Variants in BAALC observed in about 807,000 individuals in gnomAD.
BAALC encodes the protein brain and acute leukemia cytoplasmic protein.
In BAALC, 9 loss-of-function variants were observed where a neutral mutation model predicts 15.5. The ratio of observed to expected loss-of-function variants is 0.58; its 90% confidence interval spans 0.35 to 1.02. The LOEUF is 1.02. BAALC is among the 50% of genes least tolerant of loss of function. The pLI, the probability that BAALC is intolerant of heterozygous loss-of-function variation, is 0.02. For missense variants in BAALC, 201 were observed against 192.4 expected (o/e 1.04, Z -0.27); for synonymous variants, 80 against 74.6 (o/e 1.07, Z -0.37).
chr8:103,158,725 G>A (rs13264626), intron 1 of BAALC, among the ~76,000 whole-genome samples: 67,192 of 151,788 alleles, frequency 0.44, 14,899 homozygotes, highest in Middle Eastern at 0.56. Flanking sequence ...CATCCCAGGC[G>A]AGACAAAGCA....
At chr8:103,160,970 G>A (rs1172693911) in intron 1 of BAALC, among the ~76,000 whole-genome samples, 2 of 152,098 alleles carry the variant, frequency 1.3e-5, no homozygotes, top group Non-Finnish European at 2.9e-5. Context: ...GACACACCCA[G>A]GATCAATACT....
At chr8:103,141,870 GATTTT>G (rs1345219714) in intron 1 of BAALC, among the ~76,000 whole-genome samples, 3 of 152,194 alleles carry the variant, frequency 2.0e-5, no homozygotes, top group Non-Finnish European at 2.9e-5. Flanking sequence ...CATAAGTCAG[GATTTT>G]ATTTTATTTT....
chr8:103,152,617 G>C (rs1199864028), intron 1 of BAALC, among the ~76,000 whole-genome samples: 1 of 152,256 alleles, frequency 6.6e-6, no homozygotes, highest in Admixed American at 6.5e-5. Context: ...GCCCAGCACA[G>C]AGTAGGCACT....
intron 1 of BAALC, among the ~76,000 whole-genome samples, chr8:103,184,667 G>A (rs114177841): frequency 6.6e-6 from 1 of 152,164 alleles, no homozygotes; most frequent in Admixed American, 6.5e-5. Context: ...ATGTGCATGA[G>A]CACATGTGAG....
intron 1 of BAALC, among the ~76,000 whole-genome samples, chr8:103,198,625 C>T (rs1020075695): frequency 7.6e-4 from 116 of 152,166 alleles, no homozygotes; most frequent in African/African-American, 2.7e-3. Flanking sequence ...AAAAGCTGGC[C>T]AGGCTCCATG....
intron 1 of BAALC, among the ~76,000 whole-genome samples, chr8:103,144,660 C>A (rs1289297239): frequency 6.6e-6 from 1 of 152,144 alleles, no homozygotes; most frequent in Non-Finnish European, 1.5e-5. Flanking sequence ...CTTAAGCACA[C>A]TTTTTTTCTA....
At chr8:103,178,526 C>T (rs2088036) in intron 1 of BAALC, among the ~76,000 whole-genome samples, 4 of 152,066 alleles carry the variant, frequency 2.6e-5, no homozygotes, top group Middle Eastern at 3.2e-3. Context: ...TCACTCTGTA[C>T]GATTTCTTAC....
At chr8:103,192,220 T>C (rs1302806924) in intron 1 of BAALC, among the ~76,000 whole-genome samples, 11 of 152,150 alleles carry the variant, frequency 7.2e-5, no homozygotes. Context: ...CCTGGCTAAT[T>C]TTGGTACTTT....
intron 1 of BAALC, among the ~76,000 whole-genome samples, chr8:103,167,307 T>C (rs1306338164): frequency 6.6e-6 from 1 of 152,210 alleles, no homozygotes; most frequent in Non-Finnish European, 1.5e-5. Flanking sequence ...AGGCTAGATC[T>C]AGGAGGAGTC....
chr8:103,164,978 C>T (rs1494282), intron 1 of BAALC, among the ~76,000 whole-genome samples: 13,932 of 152,236 alleles, frequency 0.092, 859 homozygotes, highest in Non-Finnish European at 0.14. Context: ...CAAGTAGGAA[C>T]ACACTAACTT....
At chr8:103,178,210 T>A (rs929037274) in intron 1 of BAALC, among the ~76,000 whole-genome samples, 7 of 152,222 alleles carry the variant, frequency 4.6e-5, no homozygotes, top group African/African-American at 1.7e-4. Flanking sequence ...TTGATGAGGG[T>A]CACAGCTGGA....
chr8:103,198,602 GT>G (rs1366217405), intron 1 of BAALC, among the ~76,000 whole-genome samples: 14 of 152,034 alleles, frequency 9.2e-5, no homozygotes, highest in African/African-American at 2.9e-4. Context: ...ATATAATATA[GT>G]TTTTTAAACA....
intron 1 of BAALC, among the ~76,000 whole-genome samples, chr8:103,171,782 T>C (rs1162332939): frequency 5.9e-5 from 9 of 152,206 alleles, no homozygotes; most frequent in Non-Finnish European, 1.3e-4. Flanking sequence ...TTACCTCTCG[T>C]GTCAGAGTGA....
At chr8:103,162,415 C>G (rs1811246648) in intron 1 of BAALC, among the ~76,000 whole-genome samples, 1 of 152,166 alleles carries the variant, frequency 6.6e-6, no homozygotes, top group African/African-American at 2.4e-5. Flanking sequence ...GTTTTGCTGT[C>G]AGATGGAACA....
At chr8:103,162,771 A>T (rs1376489542) in intron 1 of BAALC, among the ~76,000 whole-genome samples, 3 of 152,048 alleles carry the variant, frequency 2.0e-5, no homozygotes, top group African/African-American at 7.2e-5. Flanking sequence ...AATAACTATA[A>T]AGGACCTGAG....
At position 103,140,791 on chromosome 8, in the gene BAALC, A is replaced by T. The variant is rs1810748531; in HGVS notation, c.-107A>T. The T allele has an allele frequency of 1.9e-6, 2 of 1,058,060 alleles. No individual in the cohort carries two copies. Among genetic ancestry groups the T allele is most frequent in the Non-Finnish European group, 2.4e-6 (2 of 834,978 alleles). The allele number at this position is 1,058,060 out of a possible 1,614,324, so 65.5% of individuals were successfully genotyped here. ...CAGCGCGGGCGGGAGCGGGGACGCG[A>T]TGTCGCCGCCGCCGCCTCCTTGCGG... On this transcript the variant is annotated 5_prime_UTR_variant, in exon 1 of 3. It removes an upstream start codon present in the reference 5' UTR. Coordinates refer to ENST00000309982, the MANE Select transcript of BAALC (RefSeq NM_024812.3). This position sits in a 1 kb window ranked among gnomAD's most constrained non-coding sequence, Gnocchi z 4.2.
In BAALC at chr8:103,189,564, G is replaced by A. The variant is rs889494655; in HGVS notation, c.161-23355G>A. On this transcript the variant is annotated intron_variant, in intron 1 of 2. Coordinates refer to ENST00000309982, the MANE Select transcript of BAALC (RefSeq NM_024812.3). ...AAGGGATCATTTAGAGTTAAGCTGTGTGACACTGACTGCAGATGGCAGGCA... is the reference window on the plus strand; with the variant it reads ...AAGGGATCATTTAGAGTTAAGCTGTATGACACTGACTGCAGATGGCAGGCA... Among the ~76,000 whole-genome samples, 4 of 152,346 alleles carry A rather than the reference G, an allele frequency of 2.6e-5. 1 individual carries two copies. The Middle Eastern group carries it at 0.01, about 389-fold the overall frequency.
At chr8:103,163,497 C>G (rs963928707) in intron 1 of BAALC, among the ~76,000 whole-genome samples, 2 of 152,214 alleles carry the variant, frequency 1.3e-5, no homozygotes, top group African/African-American at 4.8e-5. Context: ...TGCCATCCCT[C>G]TCTGTTCATC....
chr8:103,205,997 T>C (rs894827998), intron 1 of BAALC, among the ~76,000 whole-genome samples: 23 of 152,276 alleles, frequency 1.5e-4, no homozygotes, highest in African/African-American at 5.3e-4. Context: ...ATAACCCCAA[T>C]AGGGTTGCCA....
Sources: gnomAD v4.1 joint callset for allele counts (sites outside exome capture counted in the v4.1 genomes callset) on GRCh38, gnomAD v4.1.1 for gene constraint, Gnocchi (gnomAD v3.1) non-coding constraint, MANE v1.5 for transcripts, NCBI Gene and HGNC (gene_info 2026-07-23, HGNC 2026-07-21) for gene names.